Variants in FAM171A2 observed in about 807,000 individuals in gnomAD.
FAM171A2 encodes the protein family with sequence similarity 171 member A2.
Under a neutral mutation model 34.2 loss-of-function variants are expected in FAM171A2, and 13 were observed. That is an observed-to-expected ratio of 0.38 (90% CI 0.25 to 0.60). FAM171A2 has a LOEUF of 0.60. Ranked by LOEUF, FAM171A2 falls within the 20% of genes least tolerant of loss-of-function variation. The pLI is 0.62. For synonymous variants in FAM171A2, 475 were observed against 561.2 expected (o/e 0.85, Z 2.17); for missense variants, 950 against 1,180.7 (o/e 0.80, Z 2.86).
chr17:44,361,482 G>A (rs1026773767), intron 1 of FAM171A2, among the ~76,000 whole-genome samples: 6 of 152,164 alleles, frequency 3.9e-5, no homozygotes. Context: ...TTCAAGGAGA[G>A]GGAAGGCCTT....
chr17:44,354,153 G>A lies in FAM171A2; in HGVS notation c.2061C>T (p.Asp687=). Residue 687 remains aspartate, a synonymous_variant, in exon 8 of 8, where the codon GAC becomes GAT. Coordinates refer to ENST00000293443, the MANE Select transcript of FAM171A2 (RefSeq NM_198475.3). The surrounding 1 kb of genome is among the most constrained non-coding windows in gnomAD (Gnocchi z 5.8). ...GCGCCTCGTGGACATCTACGCCCGA[G>A]TCCAGGCTGGCGTCGGTGCTGCGTG... ...GGARSTDASL[D]SGVDVHEARP... is the part of the protein sequence containing the mutation. 1.6e-6 allele frequency: 2 copies of A among 1,247,204 alleles called. No individual in the cohort carries two copies. Among genetic ancestry groups the A allele is most frequent in the Non-Finnish European group, 2.0e-6 (2 of 988,890 alleles). 77.3% of individuals were successfully genotyped at this position (1,247,204 alleles called of 1,614,324 possible). A position where few individuals can be genotyped will look rare whatever the true frequency, so the allele number is the denominator to read the frequency against.
intron 1 of FAM171A2, among the ~76,000 whole-genome samples, chr17:44,361,982 GAT>G (rs1329162597): frequency 1.3e-5 from 2 of 150,222 alleles, no homozygotes; most frequent in Admixed American, 1.3e-4. Flanking sequence ...CCGAGTCTGA[GAT>G]ATGGTCATTT....
At position 44,356,618 on chromosome 17, in the gene FAM171A2, G is replaced by T; in HGVS notation, c.440-30C>A. On this transcript the variant is annotated intron_variant, in intron 3 of 7. Transcript: ENST00000293443. ...AGGGAAAGAGGGGCTGCAGTGGCTT[G>T]ACCATGGACAGGGATCCCCAGGGAC... 2.6e-6 allele frequency: 4 copies of T among 1,515,356 alleles called. No homozygotes were observed. In the South Asian group the frequency reaches 3.7e-5, roughly 14 times the overall value. The allele number at this position is 1,515,356 out of a possible 1,614,324, so 93.9% of individuals were successfully genotyped here.
chr17:44,353,817 C>T lies in FAM171A2; in HGVS notation c.2397G>A (p.Ala799=). 2.8e-6 allele frequency: 4 copies of T among 1,426,540 alleles called. No individual in the cohort carries two copies. Among genetic ancestry groups the T allele is most frequent in the South Asian group, 1.3e-5 (1 of 74,088 alleles). 88.4% of individuals were successfully genotyped at this position (1,426,540 alleles called of 1,614,324 possible). Reference sequence around the variant, plus strand: ...TGTCTCCCGCCTCGTCGCCCACCTCCGCCCCCAGCTCGTCCTCCGGGCTGG... The same window carrying T: ...TGTCTCCCGCCTCGTCGCCCACCTCTGCCCCCAGCTCGTCCTCCGGGCTGG... ...SLTSPEDELG[A]EVGDEAGDKK... Residue 799 remains alanine, a synonymous_variant, in exon 8 of 8, where the codon GCG becomes GCA. Coordinates refer to ENST00000293443, the MANE Select transcript of FAM171A2 (RefSeq NM_198475.3).
chr17:44,353,853 G>A lies in FAM171A2; in HGVS notation c.2361C>T (p.Arg787=). 7.2e-7 allele frequency: 1 copy of A among 1,390,534 alleles called. No homozygotes were observed. Among genetic ancestry groups the A allele is most frequent in the South Asian group, 1.5e-5 (1 of 68,208 alleles). The allele number at this position is 1,390,534 out of a possible 1,614,324, so 86.1% of individuals were successfully genotyped here. A position where few individuals can be genotyped will look rare whatever the true frequency, so the allele number is the denominator to read the frequency against. The change falls in exon 8 of 8, where the codon CGC becomes CGT. Residue 787 remains arginine, a synonymous_variant. Coordinates refer to ENST00000293443, the MANE Select transcript of FAM171A2 (RefSeq NM_198475.3). ...SSRSSASELR[R]DSLTSPEDEL... Reference sequence around the variant, plus strand: ...CGTCCTCCGGGCTGGTGAGCGAGTCGCGCCGCAGCTCGCTGGCGCTGCTGC... The same window carrying A: ...CGTCCTCCGGGCTGGTGAGCGAGTCACGCCGCAGCTCGCTGGCGCTGCTGC...
intron 3 of FAM171A2, 119 bp from the exon 4 acceptor site, chr17:44,356,707 G>C (rs1319636950): frequency 8.6e-7 from 1 of 1,158,386 alleles, no homozygotes; most frequent in African/African-American, 1.6e-5. Context: ...TGGAAGGCCA[G>C]GGAGGGTGAT....
At position 44,354,687 on chromosome 17, in the gene FAM171A2, C is replaced by T; in HGVS notation, c.1527G>A (p.Arg509=). Residue 509 remains arginine (R), a synonymous_variant, in exon 8 of 8, where the codon CGG becomes CGA. Coordinates refer to ENST00000293443, the MANE Select transcript of FAM171A2 (RefSeq NM_198475.3). This position sits in a 1 kb window ranked among gnomAD's most constrained non-coding sequence, Gnocchi z 5.8. ...LLSQSVDQLA[R]PPSLGQAGQL... Reference sequence around the variant, plus strand: ...GCCCCGCCTGGCCCAGCGACGGCGGCCGCGCCAGCTGGTCCACCGACTGCG... The same window carrying T: ...GCCCCGCCTGGCCCAGCGACGGCGGTCGCGCCAGCTGGTCCACCGACTGCG... 1.5e-6 allele frequency: 2 copies of T among 1,332,198 alleles called. No individual in the cohort carries two copies. The highest frequency in any genetic ancestry group is 3.7e-5 in the Admixed American group (1 of 27,206). 82.5% of individuals were successfully genotyped at this position (1,332,198 alleles called of 1,614,324 possible).
chr17:44,354,630 G>A lies in FAM171A2; in HGVS notation c.1584C>T (p.Leu528=). The A allele has an allele frequency of 7.8e-7, 1 of 1,289,492 alleles. No individual in the cohort carries two copies. Among genetic ancestry groups the A allele is most frequent in the South Asian group, 2.2e-5 (1 of 45,862 alleles). 79.9% of individuals were successfully genotyped at this position (1,289,492 alleles called of 1,614,324 possible). ...TGACGTTGCGGTAGACGTTGTCCTTGAGGTGGTCGATGGAGCCGCAGAAGA... is the reference window on the plus strand; with the variant it reads ...TGACGTTGCGGTAGACGTTGTCCTTAAGGTGGTCGATGGAGCCGCAGAAGA... ...QLIFCGSIDH[L]KDNVYRNVMP... Residue 528 remains leucine, a synonymous_variant, in exon 8 of 8, where the codon CTC becomes CTT. Transcript: ENST00000293443. This position sits in a 1 kb window ranked among gnomAD's most constrained non-coding sequence, Gnocchi z 5.8.
Position 44,355,888 on chromosome 17 carries a change from C to A in FAM171A2, c.896-47G>T. ...CGTTCAGGTGTAGACACCCTTCCTG[C>A]CTTTCAGAAGTCTGCTCTCCCAGCT... On this transcript the variant is annotated intron_variant, in intron 6 of 7. Transcript: ENST00000293443. The surrounding 1 kb of genome is among the most constrained non-coding windows in gnomAD (Gnocchi z 4.1). The A allele has an allele frequency of 6.5e-7, 1 of 1,549,500 alleles. No individual in the cohort carries two copies. Among genetic ancestry groups the A allele is most frequent in the South Asian group, 1.2e-5 (1 of 83,964 alleles).
intron 1 of FAM171A2, among the ~76,000 whole-genome samples, chr17:44,362,254 G>A (rs762842102): frequency 7.9e-5 from 12 of 152,084 alleles, no homozygotes; most frequent in Non-Finnish European, 1.8e-4. Context: ...TTGAGGGGAG[G>A]GGCGTCCTAA....
chr17:44,355,664 C>T lies in FAM171A2; in HGVS notation c.1022+51G>A. 1.3e-6 allele frequency: 2 copies of T among 1,548,106 alleles called. No individual in the cohort carries two copies. The highest frequency in any genetic ancestry group is 1.7e-6 in the Non-Finnish European group (2 of 1,144,970). On this transcript the variant is annotated intron_variant, in intron 7 of 7. Coordinates refer to ENST00000293443, the MANE Select transcript of FAM171A2 (RefSeq NM_198475.3). The surrounding 1 kb of genome is among the most constrained non-coding windows in gnomAD (Gnocchi z 4.1). Reference sequence around the variant, plus strand: ...AGTGGATTTTATGCATCTTTGGGGCCCCAGGGCCCGGTACAAGTGCAGGGG... The same window carrying T: ...AGTGGATTTTATGCATCTTTGGGGCTCCAGGGCCCGGTACAAGTGCAGGGG...
chr17:44,353,643 G>T lies in FAM171A2; in HGVS notation c.*90C>A. On this transcript the variant is annotated 3_prime_UTR_variant, in exon 8 of 8. Transcript: ENST00000293443. ...GCCCCTCTCCGGCCTGGGGCTGGGA[G>T]CTACGCGCGAGGGCCCCCGCGGGCC... The T allele has an allele frequency of 9.8e-7, 1 of 1,017,098 alleles. No homozygotes were observed. The allele number at this position is 1,017,098 out of a possible 1,614,324, so 63.0% of individuals were successfully genotyped here.
At chr17:44,362,249 G>A (rs1201533393) in intron 1 of FAM171A2, among the ~76,000 whole-genome samples, 1 of 152,086 alleles carries the variant, frequency 6.6e-6, no homozygotes, top group Non-Finnish European at 1.5e-5. Context: ...GGGACTTGAG[G>A]GGAGGGGCGT....
rs2048439887 is a variant in FAM171A2 at position 44,359,680 on chromosome 17, G to C, written c.347-9C>G. 6.5e-7 allele frequency: 1 copy of C among 1,549,356 alleles called. No individual in the cohort carries two copies. The highest frequency in any genetic ancestry group is 8.7e-7 in the Non-Finnish European group (1 of 1,146,306). ...GCTGACAGACGCATACACTGCGGGA[G>C]GGATGGCCGGTCAGCTCCAGGAAAA... is the stretch of plus-strand genomic sequence containing the variant. On this transcript the variant is annotated splice_polypyrimidine_tract_variant and intron_variant, in intron 2 of 7. Transcript: ENST00000293443.
At position 44,363,797 on chromosome 17, in the gene FAM171A2, C is replaced by G. The variant is rs1232010242; in HGVS notation, c.-83G>C. On this transcript the variant is annotated 5_prime_UTR_variant, in exon 1 of 8. Transcript: ENST00000293443. ...GCCCCGCGCAGCCCCAGCTCTGCGC[C>G]GCGCCTCGCAGCTCCGGCTCCCGCT... is the stretch of plus-strand genomic sequence containing the variant. The G allele has an allele frequency of 1.4e-5, 8 of 591,870 alleles. No individual in the cohort carries two copies. The highest frequency in any genetic ancestry group is 2.0e-5 in the African/African-American group (1 of 50,702). The allele number at this position is 591,870 out of a possible 1,614,324, so 36.7% of individuals were successfully genotyped here.
At chr17:44,358,806 A>C (rs2048436063) in intron 3 of FAM171A2, 1 of 152,224 alleles carries the variant, frequency 6.6e-6, no homozygotes, top group Admixed American at 6.6e-5. Flanking sequence ...TCTAAGCGGA[A>C]TGGAGCCCCC....
At position 44,363,853 on chromosome 17, in the gene FAM171A2, C is replaced by T; in HGVS notation, c.-139G>A. On this transcript the variant is annotated 5_prime_UTR_variant, in exon 1 of 8. Transcript: ENST00000293443. ...TGCGGCGCCCGCTCAGCGCGATTGT[C>T]TCCGACCGGAGCCGCCGCAAGCGCC... 3.1e-6 allele frequency: 1 copy of T among 319,978 alleles called. No individual in the cohort carries two copies. The highest frequency in any genetic ancestry group is 5.2e-6 in the Non-Finnish European group (1 of 192,116). The allele number at this position is 319,978 out of a possible 1,614,324, so 19.8% of individuals were successfully genotyped here.
chr17:44,360,131 C>T lies in FAM171A2; in HGVS notation c.120G>A (p.Glu40=). The T allele has an allele frequency of 6.4e-7, 1 of 1,551,042 alleles. No individual in the cohort carries two copies. Among genetic ancestry groups the T allele is most frequent in the Non-Finnish European group, 8.7e-7 (1 of 1,146,572 alleles). Residue 40 remains glutamate, a splice_region_variant and synonymous_variant, in exon 2 of 8, where the codon GAG becomes GAA. Coordinates refer to ENST00000293443, the MANE Select transcript of FAM171A2 (RefSeq NM_198475.3). The part of the protein sequence containing the change: ...KSPPEPPSPQ[E]ILIKVQVYVS... ...CATACACCTGCACCTTGATCAGGAT[C>T]TCTGTGGGCAAGATGGGGCAAAGGG...
At chr17:44,356,856 A>G (rs536495693) in intron 3 of FAM171A2, among the ~76,000 whole-genome samples, 5 of 152,176 alleles carry the variant, frequency 3.3e-5, no homozygotes, top group Non-Finnish European at 7.3e-5. Context: ...TGCGATCCAG[A>G]TCCTCAAACA....
Sources: gnomAD v4.1 joint callset for allele counts (sites outside exome capture counted in the v4.1 genomes callset) on GRCh38, gnomAD v4.1.1 for gene constraint, Gnocchi (gnomAD v3.1) non-coding constraint, MANE v1.5 for transcripts, NCBI Gene and HGNC (gene_info 2026-07-23, HGNC 2026-07-21) for gene names.